Variants in EBF3 observed in about 807,000 individuals in gnomAD.
The protein encoded by EBF3 is transcription factor COE3.
A neutral mutation model predicts 77.1 loss-of-function variants in EBF3; 18 were observed. The ratio of observed to expected loss-of-function variants is 0.23; its 90% CI spans 0.16 to 0.35. EBF3 has a LOEUF of 0.35. Among genes scored for constraint, EBF3 ranks in the 10% least tolerant of loss-of-function variants. The pLI is 1.00. For synonymous variants in EBF3, 350 were observed against 343.5 expected (o/e 1.02, Z -0.21); for missense variants, 558 against 860.0 (o/e 0.65, Z 4.39).
intron 6 of EBF3, among the ~76,000 whole-genome samples, chr10:129,950,838 G>C (rs1456937527): frequency 6.6e-6 from 1 of 152,176 alleles, no homozygotes; most frequent in Non-Finnish European, 1.5e-5. Context: ...CGGAGGGAAT[G>C]GTTTTCATTT....
chr10:129,930,431 T>G (rs1856930278), intron 6 of EBF3, among the ~76,000 whole-genome samples: 1 of 150,504 alleles, frequency 6.6e-6, no homozygotes, highest in African/African-American at 2.5e-5. Context: ...CAAATCCCCC[T>G]CTCATATATC....
At chr10:129,937,738 G>A (rs1857459271) in intron 6 of EBF3, among the ~76,000 whole-genome samples, 1 of 152,112 alleles carries the variant, frequency 6.6e-6, no homozygotes, top group Non-Finnish European at 1.5e-5. Context: ...CCACCCCCAG[G>A]CCAACCTGTC....
intron 10 of EBF3, among the ~76,000 whole-genome samples, chr10:129,850,335 C>G (rs1278887115): frequency 6.6e-6 from 1 of 152,250 alleles, no homozygotes; most frequent in Non-Finnish European, 1.5e-5. Flanking sequence ...ACCATACACT[C>G]TCATTCTGGG....
intron 10 of EBF3, among the ~76,000 whole-genome samples, chr10:129,866,729 CAGG>C (rs1373966153): frequency 6.6e-6 from 1 of 152,186 alleles, no homozygotes; most frequent in Non-Finnish European, 1.5e-5. Flanking sequence ...TCGGCCTGTG[CAGG>C]AGAACAGCAG....
chr10:129,923,768 C>CA lies in EBF3; in HGVS notation c.554+33489dup, dbSNP rs151033676. On this transcript the variant is annotated intron_variant, in intron 6 of 16. Coordinates refer to ENST00000440978, the MANE Select transcript of EBF3 (RefSeq NM_001375380.1). ...GCTACGGCACCAAAGACAAAGTCAG[C>CA]AAAAGAAAAAAAATAGACAATTTGG... 8.9e-3 allele frequency among the ~76,000 whole-genome samples: 1,343 copies of CA among 151,390 alleles called. 37 individuals are homozygous for CA. The highest frequency in any genetic ancestry group is 0.031 in the African/African-American group (1,282 of 41,282).
At chr10:129,893,120 C>A (rs540333270) in intron 6 of EBF3, among the ~76,000 whole-genome samples, 1 of 152,276 alleles carries the variant, frequency 6.6e-6, no homozygotes, top group East Asian at 1.9e-4. Flanking sequence ...TACCAATCCC[C>A]GGGAAATGGC....
At chr10:129,926,264 G>T (rs1193741119) in intron 6 of EBF3, among the ~76,000 whole-genome samples, 1 of 152,206 alleles carries the variant, frequency 6.6e-6, no homozygotes, top group African/African-American at 2.4e-5. Context: ...CGCACACCTT[G>T]GCGCCAGCCC....
Position 129,837,008 on chromosome 10 carries a change from A to G in EBF3, c.*935T>C, listed in dbSNP as rs879045224. ...AAGACAAGTGTATAAATATTTAGCT[A>G]CAACTTTGGCAAAATCACAAAAGTC... On this transcript the variant is annotated 3_prime_UTR_variant, in exon 17 of 17. Coordinates refer to ENST00000440978, the MANE Select transcript of EBF3 (RefSeq NM_001375380.1). 1 of 152,796 alleles carries G rather than the reference A, an allele frequency of 6.5e-6. No individual in the cohort carries two copies. The highest frequency in any genetic ancestry group is 2.1e-4 in the South Asian group (1 of 4,830). The allele number at this position is 152,796 out of a possible 1,614,324, so 9.5% of individuals were successfully genotyped here. A position where few individuals can be genotyped will look rare whatever the true frequency, so the allele number is the denominator to read the frequency against.
At chr10:129,946,001 T>C (rs867465725) in intron 6 of EBF3, among the ~76,000 whole-genome samples, 16 of 150,744 alleles carry the variant, frequency 1.1e-4, no homozygotes, top group Admixed American at 9.9e-4. Context: ...AAGATATCGC[T>C]ACTATTTCCT....
In EBF3 at chr10:129,879,383, G is replaced by T. The variant is rs1853037022; in HGVS notation, c.555-1534C>A. On this transcript the variant is annotated intron_variant, in intron 6 of 16. Transcript: ENST00000440978. This position sits in a 1 kb window ranked among gnomAD's most constrained non-coding sequence, Gnocchi z 4.7. ...TCCTACTTGGTGATTATTAATTTTT[G>T]ATGAAGTTTCACATGATTTTCTTAC... is the stretch of plus-strand genomic sequence containing the variant. Among the ~76,000 whole-genome samples the T allele has an allele frequency of 6.6e-6, 1 of 152,144 alleles. No individual in the cohort carries two copies. Among genetic ancestry groups the T allele is most frequent in the African/African-American group, 2.4e-5 (1 of 41,430 alleles).
chr10:129,877,543 C>G (rs1224582552), intron 7 of EBF3, among the ~76,000 whole-genome samples: 1 of 149,096 alleles, frequency 6.7e-6, no homozygotes, highest in Non-Finnish European at 1.5e-5. Flanking sequence ...GTTCGCTGTT[C>G]GCTATATTGT....
intron 6 of EBF3, among the ~76,000 whole-genome samples, chr10:129,917,214 C>T (rs1474455067): frequency 6.6e-6 from 1 of 152,032 alleles, no homozygotes; most frequent in East Asian, 1.9e-4. Context: ...ACTAAAAATA[C>T]AAAAATTAGC....
At chr10:129,958,565 A>G (rs1859216237) in intron 5 of EBF3, among the ~76,000 whole-genome samples, 1 of 152,176 alleles carries the variant, frequency 6.6e-6, no homozygotes, top group Non-Finnish European at 1.5e-5. Flanking sequence ...TCAATAACAG[A>G]CAATTGTATA....
rs530358934 is a variant in EBF3 at position 129,848,811 on chromosome 10, C to T, written c.1040-331G>A. ...ATCACGATGTGATGTCTGCATCACA[C>T]GGTGCCTTCCACACTGGCCAGGGAT... On this transcript the variant is annotated intron_variant, in intron 10 of 16. Transcript: ENST00000440978. This position sits in a 1 kb window ranked among gnomAD's most constrained non-coding sequence, Gnocchi z 4.4. 2.6e-5 allele frequency among the ~76,000 whole-genome samples: 4 copies of T among 152,200 alleles called. No homozygotes were observed. Among genetic ancestry groups the T allele is most frequent in the African/African-American group, 7.2e-5 (3 of 41,460 alleles).
At chr10:129,854,895 G>A (rs567644966) in intron 10 of EBF3, among the ~76,000 whole-genome samples, 51 of 152,340 alleles carry the variant, frequency 3.3e-4, no homozygotes, top group East Asian at 1.2e-3. Flanking sequence ...CGCTGCCCGC[G>A]GGGGCCGGCC....
intron 10 of EBF3, among the ~76,000 whole-genome samples, chr10:129,852,450 G>C (rs79343301): frequency 6.6e-6 from 1 of 152,140 alleles, no homozygotes; most frequent in Middle Eastern, 3.2e-3. Flanking sequence ...AGCTCCAACC[G>C]GCCTGCTGCA....
At chr10:129,931,251 A>C (rs1219537598) in intron 6 of EBF3, among the ~76,000 whole-genome samples, 1 of 152,224 alleles carries the variant, frequency 6.6e-6, no homozygotes, top group Non-Finnish European at 1.5e-5. Context: ...GAAGCAGAAA[A>C]GCAATTGAGA....
At position 129,869,501 on chromosome 10, in the gene EBF3, G is replaced by C. The variant is rs1852264386; in HGVS notation, c.782-1589C>G. ...CCTTATTAGGTTGTTCATCTTATTT[G>C]AGCCCCTGTGCAGCTCGGCTTCAGA... On this transcript the variant is annotated intron_variant, in intron 8 of 16. Transcript: ENST00000440978. 1.4e-5 allele frequency among the ~76,000 whole-genome samples: 2 copies of C among 147,240 alleles called. 1 individual carries two copies. The highest frequency in any genetic ancestry group is 4.4e-4 in the South Asian group (2 of 4,566).
chr10:129,887,553 C>T (rs1286687677), intron 6 of EBF3, among the ~76,000 whole-genome samples: 1 of 152,114 alleles, frequency 6.6e-6, no homozygotes, highest in Non-Finnish European at 1.5e-5. Context: ...CCCAGAATGA[C>T]GTTGGTGCCA....
Sources: allele counts gnomAD v4.1 joint callset (sites outside exome capture counted in the v4.1 genomes callset), GRCh38; gene constraint gnomAD v4.1.1; non-coding constraint Gnocchi (gnomAD v3.1); transcripts MANE v1.5; gene names NCBI Gene and HGNC (gene_info 2026-07-23, HGNC 2026-07-21).